The following EXOC6 variants were observed in gnomAD, a reference collection of about 807,000 sequenced individuals.
The protein encoded by EXOC6 is exocyst complex component 6.
In EXOC6, 60 loss-of-function variants were observed where a neutral mutation model predicts 112.5. The observed-to-expected ratio is 0.53, with a 90% CI of 0.43 to 0.66. The LOEUF is 0.66. EXOC6 is among the 30% of genes least tolerant of loss of function. The pLI, the probability that EXOC6 is intolerant of heterozygous loss-of-function variation, is 0.00. For missense variants in EXOC6, 855 were observed against 957.1 expected, an observed-to-expected ratio of 0.89 and a Z score of 1.41; for synonymous variants, 295 against 308.0, an observed-to-expected ratio of 0.96 and a Z score of 0.44.
At chr10:93,023,807 T>G (rs1411768255) in intron 20 of EXOC6, among the ~76,000 whole-genome samples, 1 of 152,230 alleles carries the variant, frequency 6.6e-6, no homozygotes, top group Non-Finnish European at 1.5e-5. Context: ...ATTAAGATTC[T>G]TTGTATAATA....
intron 1 of EXOC6, among the ~76,000 whole-genome samples, chr10:92,873,720 A>T (rs1848558864): frequency 6.6e-6 from 1 of 152,146 alleles, no homozygotes; most frequent in Non-Finnish European, 1.5e-5. Context: ...AGTTTTATGT[A>T]AACAAGAAAT....
chr10:93,025,232 G>A (rs923130804), intron 20 of EXOC6, among the ~76,000 whole-genome samples: 2 of 152,288 alleles, frequency 1.3e-5, no homozygotes, highest in East Asian at 3.9e-4. Flanking sequence ...TGAACAAATT[G>A]TGTGATGGTA....
At chr10:92,847,178 T>C (rs974364539), upstream of EXOC6, among the ~76,000 whole-genome samples, 3 of 152,238 alleles carry the variant, frequency 2.0e-5, no homozygotes, top group Admixed American at 2.0e-4. Flanking sequence ...TGAGTCATTT[T>C]AAGCTACTCA....
At chr10:92,886,714 G>C (rs899442995) in intron 1 of EXOC6, among the ~76,000 whole-genome samples, 3 of 152,220 alleles carry the variant, frequency 2.0e-5, no homozygotes, top group African/African-American at 4.8e-5. Context: ...CAGAATCCAT[G>C]TTGTAAAGCT....
At chr10:92,989,371 C>T (rs2134150078) in intron 18 of EXOC6, among the ~76,000 whole-genome samples, 1 of 152,254 alleles carries the variant, frequency 6.6e-6, no homozygotes. Context: ...TATTCTCAGG[C>T]AGAAACTTGG....
At chr10:92,955,470 A>G in intron 16 of EXOC6, 110 bp from the exon 17 acceptor site, 4 of 868,456 alleles carry the variant, frequency 4.6e-6, no homozygotes, top group Non-Finnish European at 7.4e-6. Flanking sequence ...TAATGCTGCA[A>G]TTATGTAGAA....
At chr10:92,875,923 A>T (rs1241989913) in intron 1 of EXOC6, among the ~76,000 whole-genome samples, 1 of 152,102 alleles carries the variant, frequency 6.6e-6, no homozygotes, top group African/African-American at 2.4e-5. Flanking sequence ...CATTAAAAAA[A>T]TTTCAGAACA....
At chr10:92,972,598 T>C (rs1426890571) in intron 17 of EXOC6, among the ~76,000 whole-genome samples, 1 of 152,190 alleles carries the variant, frequency 6.6e-6, no homozygotes, top group Non-Finnish European at 1.5e-5. Context: ...TAGTATGTTA[T>C]GAGTGTACAT....
intron 1 of EXOC6, among the ~76,000 whole-genome samples, chr10:92,890,096 A>G (rs191444840): frequency 1.8e-4 from 28 of 152,362 alleles, no homozygotes; most frequent in Middle Eastern, 3.4e-3. Flanking sequence ...CTTCCTCTTC[A>G]TAAACATGGA....
chr10:93,018,504 T>G (rs1844642691), intron 20 of EXOC6, among the ~76,000 whole-genome samples: 1 of 152,212 alleles, frequency 6.6e-6, no homozygotes, highest in Non-Finnish European at 1.5e-5. Context: ...TTAATTTTTT[T>G]CCTCATCCAT....
At chr10:93,003,046 C>A (rs879294167) in intron 19 of EXOC6, among the ~76,000 whole-genome samples, 1 of 152,104 alleles carries the variant, frequency 6.6e-6, no homozygotes, top group Non-Finnish European at 1.5e-5. Context: ...CTGGGCAACT[C>A]AGAAAAGATG....
chr10:92,884,114 G>A (rs922798558), intron 1 of EXOC6, among the ~76,000 whole-genome samples: 7 of 152,110 alleles, frequency 4.6e-5, no homozygotes, highest in African/African-American at 1.7e-4. Flanking sequence ...GGCCAGGCTG[G>A]TCTCAAACTC....
chr10:92,979,791 G>A (rs1410916270), intron 18 of EXOC6, among the ~76,000 whole-genome samples: 1 of 151,580 alleles, frequency 6.6e-6, no homozygotes, highest in Non-Finnish European at 1.5e-5. Context: ...TAGCCTATTG[G>A]GAGGCTAAGG....
rs1349508292 is a variant in EXOC6, at chr10:92,954,754, G to A, written c.1638+13G>A. 1.8e-6 allele frequency: 2 copies of A among 1,112,154 alleles called. No homozygotes were observed. Among genetic ancestry groups the A allele is most frequent in the African/African-American group, 3.1e-5 (2 of 64,432 alleles). The allele number at this position is 1,112,154 out of a possible 1,614,324, so 68.9% of individuals were successfully genotyped here. On this transcript the variant is annotated intron_variant, in intron 16 of 21. Coordinates refer to ENST00000260762, the MANE Select transcript of EXOC6 (RefSeq NM_019053.6). The stretch of plus-strand genomic sequence containing the variant: ...AGGTTTGACAGAGGTAGGTTAAAAA[G>A]ACACATATAGTGAAATGTTTCATTG...
At chr10:93,025,648 G>A (rs1326839766) in intron 20 of EXOC6, among the ~76,000 whole-genome samples, 2 of 152,162 alleles carry the variant, frequency 1.3e-5, no homozygotes, top group Non-Finnish European at 2.9e-5. Context: ...AGAGAAAAGA[G>A]GAGTGGTCAT....
At chr10:92,851,238 G>A (rs112256495) in intron 1 of EXOC6, among the ~76,000 whole-genome samples, 2 of 152,320 alleles carry the variant, frequency 1.3e-5, no homozygotes, top group African/African-American at 4.8e-5. Context: ...GTAAAGATCA[G>A]AGTGGTATTC....
At chr10:92,924,725 G>C (rs924567271) in intron 8 of EXOC6, among the ~76,000 whole-genome samples, 1 of 152,068 alleles carries the variant, frequency 6.6e-6, no homozygotes, top group Admixed American at 6.6e-5. Flanking sequence ...GTGGCTTTTG[G>C]TTATGTGGAT....
At chr10:92,942,009 T>A (rs936874796) in intron 13 of EXOC6, among the ~76,000 whole-genome samples, 1 of 152,214 alleles carries the variant, frequency 6.6e-6, no homozygotes, top group Admixed American at 6.5e-5. Context: ...GATATTAAAA[T>A]AAAAGTACGT....
chr10:92,890,752 A>T (rs1849459976), intron 1 of EXOC6, among the ~76,000 whole-genome samples: 1 of 152,126 alleles, frequency 6.6e-6, no homozygotes, highest in Non-Finnish European at 1.5e-5. Flanking sequence ...AGCCATGAGG[A>T]GGCCAGTGTT....
Sources: allele counts gnomAD v4.1 joint callset (sites outside exome capture counted in the v4.1 genomes callset), GRCh38; gene constraint gnomAD v4.1.1; transcripts MANE v1.5; gene names NCBI Gene and HGNC (gene_info 2026-07-23, HGNC 2026-07-21).